MMAB: variants seen among roughly 807,000 people sequenced by gnomAD.
MMAB encodes the protein corrinoid adenosyltransferase MMAB.
Under a neutral mutation model 30.6 loss-of-function variants are expected in MMAB, and 17 were observed. The observed-to-expected ratio is 0.56, with a 90% confidence interval of 0.38 to 0.83. The LOEUF (loss-of-function observed/expected upper bound fraction) is 0.83. Ranked by LOEUF, MMAB falls within the 40% of genes least tolerant of loss-of-function variation. MMAB has a pLI of 0.00. For missense variants in MMAB, 311 were observed against 331.6 expected, an observed-to-expected ratio of 0.94 and a Z score of 0.48; for synonymous variants, 134 against 138.6, an observed-to-expected ratio of 0.97 and a Z score of 0.23.
chr12:109,573,499 G>T lies in MMAB; in HGVS notation c.-19C>A. 3.8e-6 allele frequency: 6 copies of T among 1,591,116 alleles called. No homozygotes were observed. The highest frequency in any genetic ancestry group is 4.3e-6 in the Non-Finnish European group (5 of 1,174,014). On this transcript the variant is annotated 5_prime_UTR_variant, in exon 1 of 9. Coordinates refer to ENST00000545712, the MANE Select transcript of MMAB (RefSeq NM_052845.4). The stretch of plus-strand genomic sequence containing the variant: ...CAGCCATGAGCCAGGCTGCTTGACG[G>T]GACCTGACCCCGCCAGGTTCCCGTC...
Position 109,561,383 on chromosome 12 carries a change from CTG to C in MMAB, c.519+35_519+36del, listed in dbSNP as rs1192550824. The C allele has an allele frequency of 6.5e-7, 1 of 1,547,318 alleles. No homozygotes were observed. The highest frequency in any genetic ancestry group is 2.4e-5 in the East Asian group (1 of 40,908). ...CATGTGTGTCTGTCACTGAACCTGCCTGCAGCCGCCCCCGGTTAAGCCTGCCC... is the reference window on the plus strand; with the variant it reads ...CATGTGTGTCTGTCACTGAACCTGCCCAGCCGCCCCCGGTTAAGCCTGCCC... On this transcript the variant is annotated intron_variant, in intron 6 of 8. Transcript: ENST00000545712. This position sits in a 1 kb window ranked among gnomAD's most constrained non-coding sequence, Gnocchi z 5.3.
At chr12:109,560,042 C>T (rs12580090) in intron 7 of MMAB, among the ~76,000 whole-genome samples, 25,737 of 152,244 alleles carry the variant, frequency 0.17, 2,249 homozygotes, top group African/African-American at 0.19. Flanking sequence ...GTTTTCGGGG[C>T]CTTTGGGTTG....
chr12:109,561,861 C>T lies in MMAB; in HGVS notation c.349-9G>A, dbSNP rs372577644. On this transcript the variant is annotated splice_polypyrimidine_tract_variant and intron_variant, in intron 4 of 8. Transcript: ENST00000545712. The surrounding 1 kb of genome is among the most constrained non-coding windows in gnomAD (Gnocchi z 5.3). ...TGCAATGTGCACTGGATCTGGGGGG[C>T]GACAGAAAGTGACAGTCAAGATCTA... 76 of 1,598,722 alleles carry T rather than the reference C, an allele frequency of 4.8e-5. No homozygotes were observed. Among genetic ancestry groups the T allele is most frequent in the Middle Eastern group, 1.6e-4 (1 of 6,064 alleles).
At position 109,573,481 on chromosome 12, in the gene MMAB, G is replaced by T; in HGVS notation, c.-1C>A. On this transcript the variant is annotated 5_prime_UTR_variant, in exon 1 of 9. Transcript: ENST00000545712. ...GGCTCCCCAGGCCGCACACAGCCAT[G>T]AGCCAGGCTGCTTGACGGGACCTGA... 1 of 1,601,248 alleles carries T rather than the reference G, an allele frequency of 6.2e-7. No homozygotes were observed. The highest frequency in any genetic ancestry group is 1.3e-5 in the African/African-American group (1 of 74,910).
In MMAB at chr12:109,556,949, C is replaced by T. The variant is rs761122037; in HGVS notation, c.*79G>A. 73 of 963,036 alleles carry T rather than the reference C, an allele frequency of 7.6e-5. No homozygotes were observed. Among genetic ancestry groups the T allele is most frequent in the Non-Finnish European group, 8.9e-5 (53 of 597,886 alleles). 59.7% of individuals were successfully genotyped at this position (963,036 alleles called of 1,614,324 possible). On this transcript the variant is annotated 3_prime_UTR_variant, in exon 9 of 9. Coordinates refer to ENST00000545712, the MANE Select transcript of MMAB (RefSeq NM_052845.4). Reference sequence around the variant, plus strand: ...CTCTCTGGGTGAGCTCTTCAGGAACCAGGACCCCAGAAGGGCAAGCTCCTC... The same window carrying T: ...CTCTCTGGGTGAGCTCTTCAGGAACTAGGACCCCAGAAGGGCAAGCTCCTC...
At chr12:109,560,021 C>T (rs563239408) in intron 7 of MMAB, among the ~76,000 whole-genome samples, 1 of 152,380 alleles carries the variant, frequency 6.6e-6, no homozygotes, top group Admixed American at 6.5e-5. Flanking sequence ...ATCAGCTGCT[C>T]CGCCATGCCT....
intron 3 of MMAB, chr12:109,567,770 T>C (rs938285637): frequency 6.6e-6 from 1 of 152,258 alleles, no homozygotes; most frequent in Non-Finnish European, 1.5e-5. Context: ...TAGCTGGGAC[T>C]ACAGGTGTGC....
chr12:109,553,986 A>G lies in MMAB; in HGVS notation c.*3042T>C. On this transcript the variant is annotated 3_prime_UTR_variant, in exon 9 of 9. Transcript: ENST00000545712. Reference sequence around the variant, plus strand: ...AACGCACATTAACGATAGCCATGAAATATTAGTTAAGGGAAACTAGGTTGA... The same window carrying G: ...AACGCACATTAACGATAGCCATGAAGTATTAGTTAAGGGAAACTAGGTTGA... The G allele has an allele frequency of 2.2e-6, 1 of 454,124 alleles. No individual in the cohort carries two copies. The highest frequency in any genetic ancestry group is 2.3e-5 in the Admixed American group (1 of 42,574). 28.1% of individuals were successfully genotyped at this position (454,124 alleles called of 1,614,324 possible). A position where few individuals can be genotyped will look rare whatever the true frequency, so the allele number is the denominator to read the frequency against.
rs566955505 is a variant in MMAB at position 109,561,367 on chromosome 12, C to G, written c.519+53G>C. On this transcript the variant is annotated intron_variant, in intron 6 of 8. Transcript: ENST00000545712. The surrounding 1 kb of genome is among the most constrained non-coding windows in gnomAD (Gnocchi z 5.3). ...GGATTTATTCAGAGCCCATGTGTGT[C>G]TGTCACTGAACCTGCCTGCAGCCGC... 8 of 1,544,130 alleles carry G rather than the reference C, an allele frequency of 5.2e-6. No homozygotes were observed. The South Asian group carries it at 9.5e-5, about 18-fold the overall frequency.
rs771327707 is a variant in MMAB, at chr12:109,554,960, C to T, written c.*2068G>A. 10 of 454,092 alleles carry T rather than the reference C, an allele frequency of 2.2e-5. No homozygotes were observed. Among genetic ancestry groups the T allele is most frequent in the South Asian group, 7.8e-5 (5 of 64,472 alleles). 28.1% of individuals were successfully genotyped at this position (454,092 alleles called of 1,614,324 possible). A position where few individuals can be genotyped will look rare whatever the true frequency, so the allele number is the denominator to read the frequency against. On this transcript the variant is annotated 3_prime_UTR_variant, in exon 9 of 9. Coordinates refer to ENST00000545712, the MANE Select transcript of MMAB (RefSeq NM_052845.4). ...GTGAACCGGGAGACAGATACAGAGG[C>T]GGGGGTCTGAGAACGCGACTGTTAA...
chr12:109,568,709 T>C, intron 3 of MMAB, 61 bp downstream of exon 3: 1 of 1,275,522 alleles, frequency 7.8e-7, no homozygotes, highest in Middle Eastern at 1.9e-4. Flanking sequence ...AGCTTCACAT[T>C]CATTACGTTT....
In MMAB at chr12:109,573,446, A is replaced by G. The variant is rs533819939; in HGVS notation, c.35T>C (p.Leu12Pro). 1.6e-5 allele frequency: 25 copies of G among 1,608,488 alleles called. No individual in the cohort carries two copies. The South Asian group carries it at 2.5e-4, about 16-fold the overall frequency. ...CCCGCGCAGGCCAAGACGGCTCCCCAGGCCAAGACGGCTCCCCAGGCCGCA... is the reference window on the plus strand; with the variant it reads ...CCCGCGCAGGCCAAGACGGCTCCCCGGGCCAAGACGGCTCCCCAGGCCGCA... ...AVCGLGSRLG[L>P]GSRLGLRGCF... Residue 12 changes from leucine to proline, a missense_variant, in exon 1 of 9, where the codon CTG (leucine) becomes CCG (proline). Physicochemically the swap from Leu to Pro is moderately conservative, Grantham distance 98 (BLOSUM62 -3). Coordinates refer to ENST00000545712, the MANE Select transcript of MMAB (RefSeq NM_052845.4).
intron 3 of MMAB, chr12:109,567,254 T>C: frequency 2.9e-6 from 1 of 350,576 alleles, no homozygotes; most frequent in Non-Finnish European, 5.6e-6. Context: ...AAACATGGAA[T>C]CATCTCATTT....
rs2136188374 is a variant in MMAB, at chr12:109,554,398, CGGA to C, written c.*2627_*2629del. 6.6e-6 allele frequency: 3 copies of C among 453,942 alleles called. No individual in the cohort carries two copies. Among genetic ancestry groups the C allele is most frequent in the South Asian group, 4.7e-5 (3 of 64,474 alleles). 28.1% of individuals were successfully genotyped at this position (453,942 alleles called of 1,614,324 possible). A position where few individuals can be genotyped will look rare whatever the true frequency, so the allele number is the denominator to read the frequency against. ...CATTCCAGGGAGCCTGACCTGGAGGCGGAGGAGGCATTTTCATGGGTGCAAAAT... is the reference window on the plus strand; with the variant it reads ...CATTCCAGGGAGCCTGACCTGGAGGCGGAGGCATTTTCATGGGTGCAAAAT... On this transcript the variant is annotated 3_prime_UTR_variant, in exon 9 of 9. Transcript: ENST00000545712.
In MMAB at chr12:109,569,106, C is replaced by T. The variant is rs1392711289; in HGVS notation, c.197-243G>A. Among the ~76,000 whole-genome samples, 3 of 151,970 alleles carry T rather than the reference C, an allele frequency of 2.0e-5. No homozygotes were observed. Among genetic ancestry groups the T allele is most frequent in the Non-Finnish European group, 2.9e-5 (2 of 67,998 alleles). ...GATTACAAGTGTGTACCACCATGCC[C>T]GGCTAATTTTTGTATTTTTAGTAGA... On this transcript the variant is annotated intron_variant, in intron 2 of 8. Transcript: ENST00000545712. This position sits in a 1 kb window ranked among gnomAD's most constrained non-coding sequence, Gnocchi z 4.1.
At chr12:109,562,403 A>C (rs1042634084) in intron 4 of MMAB, among the ~76,000 whole-genome samples, 1 of 152,176 alleles carries the variant, frequency 6.6e-6, no homozygotes, top group African/African-American at 2.4e-5. Context: ...TGACATTTGA[A>C]AGCAAACTCT....
intron 7 of MMAB, among the ~76,000 whole-genome samples, chr12:109,560,048 G>T (rs546354511): frequency 5.9e-5 from 9 of 152,210 alleles, no homozygotes; most frequent in African/African-American, 2.2e-4. Context: ...GGGGCCTTTG[G>T]GTTGTTTCCA....
At position 109,556,465 on chromosome 12, in the gene MMAB, A is replaced by C; in HGVS notation, c.*563T>G. On this transcript the variant is annotated 3_prime_UTR_variant, in exon 9 of 9. Transcript: ENST00000545712. ...GTCAATCTGCAGCTATCCTTCCCCC[A>C]CACTTTGGCGGTGATGGGTGGCTCA... The C allele has an allele frequency of 2.2e-6, 1 of 453,910 alleles. No homozygotes were observed. The highest frequency in any genetic ancestry group is 4.4e-6 in the Non-Finnish European group (1 of 226,758). The allele number at this position is 453,910 out of a possible 1,614,324, so 28.1% of individuals were successfully genotyped here.
rs1362290550 is a variant in MMAB, at chr12:109,556,832, A to C, written c.*196T>G. ...CAGGAGAGCTTGGGGAAGCAGGGTC[A>C]GGGACAGAATCCCCAAAGGGTCACA... is the stretch of plus-strand genomic sequence containing the variant. On this transcript the variant is annotated 3_prime_UTR_variant, in exon 9 of 9. Coordinates refer to ENST00000545712, the MANE Select transcript of MMAB (RefSeq NM_052845.4). 1 of 677,002 alleles carries C rather than the reference A, an allele frequency of 1.5e-6. No homozygotes were observed. Among genetic ancestry groups the C allele is most frequent in the African/African-American group, 1.8e-5 (1 of 56,658 alleles). The allele number at this position is 677,002 out of a possible 1,614,324, so 41.9% of individuals were successfully genotyped here.
Sources: allele counts gnomAD v4.1 joint callset (sites outside exome capture counted in the v4.1 genomes callset), GRCh38; gene constraint gnomAD v4.1.1; non-coding constraint Gnocchi (gnomAD v3.1); transcripts MANE v1.5; gene names NCBI Gene and HGNC (gene_info 2026-07-23, HGNC 2026-07-21).